The following PRTG variants were observed in gnomAD, a reference collection of about 807,000 sequenced individuals.
The protein encoded by PRTG is protogenin, also known as immunoglobulin superfamily, DCC subclass, member 5.
A neutral mutation model predicts 122.5 loss-of-function variants in PRTG; 67 were observed. The observed-to-expected ratio is 0.55, with a 90% confidence interval of 0.45 to 0.67. The LOEUF is 0.67. Among genes scored for constraint, PRTG ranks in the 30% least tolerant of loss-of-function variants. The probability of loss-of-function intolerance (pLI) is 0.00; values close to 1 mark genes in which losing one functional copy is unlikely to be tolerated. For synonymous variants in PRTG, 554 were observed against 501.1 expected, an observed-to-expected ratio of 1.11 and a Z score of -1.41; for missense variants, 1,435 against 1,415.4, an observed-to-expected ratio of 1.01 and a Z score of -0.22.
rs774890986 is a variant in PRTG, at chr15:55,680,178, T to C, written c.849A>G (p.Val283=). The change falls in exon 6 of 20, where the codon GTA becomes GTG. Residue 283 remains valine (V), a synonymous_variant. Transcript: ENST00000389286. Reference sequence around the variant, plus strand: ...ATATCATGAGATTACCATTTCCAAGTACCCGAGTATTAAAGACATCAATGG... The same window carrying C: ...ATATCATGAGATTACCATTTCCAAGCACCCGAGTATTAAAGACATCAATGG... ...HKSIDVFNTR[V]LGNGNLMISD... is the part of the protein sequence containing the mutation. The C allele has an allele frequency of 1.3e-4, 213 of 1,611,310 alleles. No individual in the cohort carries two copies. Among genetic ancestry groups the C allele is most frequent in the South Asian group, 7.4e-4 (67 of 91,010 alleles).
chr15:55,620,735 A>G lies in PRTG; in HGVS notation c.3126T>C (p.Gly1042=). The change falls in exon 19 of 20, where the codon GGT becomes GGC. Residue 1042 remains glycine, a synonymous_variant. Transcript: ENST00000389286. ...GGTDLIINSY[G]PIIKNNSKKK... is the part of the protein sequence containing the mutation. Reference sequence around the variant, plus strand: ...TCTTAGAGTTGTTTTTAATTATAGGACCATAGCTATTAATTATCAGGTCAG... The same window carrying G: ...TCTTAGAGTTGTTTTTAATTATAGGGCCATAGCTATTAATTATCAGGTCAG... 1 of 1,599,270 alleles carries G rather than the reference A, an allele frequency of 6.3e-7. No homozygotes were observed. The highest frequency in any genetic ancestry group is 1.2e-5 in the South Asian group (1 of 86,834).
chr15:55,719,473 T>C (rs908468167), intron 2 of PRTG, among the ~76,000 whole-genome samples: 1 of 152,204 alleles, frequency 6.6e-6, no homozygotes, highest in African/African-American at 2.4e-5. Context: ...AATGACTTCA[T>C]ATACTCAATG....
At chr15:55,724,173 T>C (rs896152422) in intron 2 of PRTG, among the ~76,000 whole-genome samples, 6 of 152,228 alleles carry the variant, frequency 3.9e-5, no homozygotes, top group Non-Finnish European at 8.8e-5. Flanking sequence ...AATGCTTTTA[T>C]ATGTCTGCTA....
intron 3 of PRTG, 51 bp downstream of exon 3, chr15:55,683,736 G>A: frequency 6.7e-7 from 1 of 1,484,180 alleles, no homozygotes; most frequent in Non-Finnish European, 9.3e-7. Context: ...AATCTCATAT[G>A]AAGTCTTCAT....
chr15:55,645,868 A>G (rs1336200872), intron 11 of PRTG, among the ~76,000 whole-genome samples: 1 of 152,196 alleles, frequency 6.6e-6, no homozygotes, highest in Non-Finnish European at 1.5e-5. Context: ...GCAGAGTTAG[A>G]AAGAACAGCC....
intron 3 of PRTG, among the ~76,000 whole-genome samples, chr15:55,683,333 G>A (rs1048034865): frequency 2.0e-5 from 3 of 151,984 alleles, no homozygotes; most frequent in Non-Finnish European, 4.4e-5. Flanking sequence ...AATCCCAACC[G>A]CCCGCAGAAC....
At chr15:55,674,933 T>C (rs2059493907) in intron 9 of PRTG, among the ~76,000 whole-genome samples, 1 of 152,152 alleles carries the variant, frequency 6.6e-6, no homozygotes, top group African/African-American at 2.4e-5. Context: ...TCTCGGGCTA[T>C]CTTAATATGG....
At chr15:55,702,673 C>T (rs925959700) in intron 2 of PRTG, among the ~76,000 whole-genome samples, 1 of 152,180 alleles carries the variant, frequency 6.6e-6, no homozygotes, top group Non-Finnish European at 1.5e-5. Context: ...ATTAGAGGAA[C>T]AGGAGGAGCC....
intron 11 of PRTG, among the ~76,000 whole-genome samples, chr15:55,659,780 G>A (rs1310135098): frequency 2.0e-5 from 3 of 151,958 alleles, no homozygotes; most frequent in South Asian, 4.1e-4. Context: ...TTAGCTGGGC[G>A]TAGTGGTGCA....
chr15:55,675,132 C>T (rs180719115), intron 9 of PRTG, among the ~76,000 whole-genome samples: 34 of 152,130 alleles, frequency 2.2e-4, no homozygotes, highest in African/African-American at 6.5e-4. Flanking sequence ...GGTGATAAAT[C>T]GTATAAAGTC....
At chr15:55,689,383 A>G (rs552766813) in intron 2 of PRTG, among the ~76,000 whole-genome samples, 4 of 152,286 alleles carry the variant, frequency 2.6e-5, no homozygotes, top group Non-Finnish European at 5.9e-5. Context: ...ATAGCAAAAG[A>G]AAAAAAATCT....
Position 55,673,514 on chromosome 15 carries a change from G to A in PRTG, c.1709C>T (p.Pro570Leu), listed in dbSNP as rs772194867. The change falls in exon 10 of 20, where the codon CCG (proline) becomes CTG (leucine). Residue 570 changes from proline to leucine, a missense_variant. Physicochemically the swap from Pro to Leu is moderately conservative, Grantham distance 98. Coordinates refer to ENST00000389286, the MANE Select transcript of PRTG (RefSeq NM_173814.6). ...CAAAAGGTACTCATGCGTGGTCCCCGGGAGCTCCAGAACTTGGATTGAATT... is the reference window on the plus strand; with the variant it reads ...CAAAAGGTACTCATGCGTGGTCCCCAGGAGCTCCAGAACTTGGATTGAATT... ...TENSIQVLELPGTTHEYLLEG... is the reference protein window; with the variant it reads ...TENSIQVLELLGTTHEYLLEG... The A allele has an allele frequency of 8.7e-6, 14 of 1,613,934 alleles. No individual in the cohort carries two copies. The highest frequency in any genetic ancestry group is 1.6e-4 in the Middle Eastern group (1 of 6,084).
intron 15 of PRTG, among the ~76,000 whole-genome samples, chr15:55,635,074 GGTGT>G (rs869048936): frequency 2.2e-5 from 3 of 135,338 alleles, no homozygotes; most frequent in African/African-American, 8.8e-5. Flanking sequence ...GTTGGTTCTG[GGTGT>G]GTGTGTGTGT....
In PRTG at chr15:55,742,961, G is replaced by A. The variant is rs1424733086; in HGVS notation, c.-30C>T. On this transcript the variant is annotated 5_prime_UTR_variant, in exon 1 of 20. Coordinates refer to ENST00000389286, the MANE Select transcript of PRTG (RefSeq NM_173814.6). The stretch of plus-strand genomic sequence containing the variant: ...CGTAGCCGCGCGGGCATGCTCCCCG[G>A]CCGCCCAGAGCCCCTGTCCGTCTGC... The A allele has an allele frequency of 2.7e-6, 4 of 1,467,662 alleles. No homozygotes were observed. Among genetic ancestry groups the A allele is most frequent in the Non-Finnish European group, 3.6e-6 (4 of 1,111,098 alleles). The allele number at this position is 1,467,662 out of a possible 1,614,324, so 90.9% of individuals were successfully genotyped here. A position where few individuals can be genotyped will look rare whatever the true frequency, so the allele number is the denominator to read the frequency against.
At chr15:55,670,021 A>C (rs2059459739) in intron 11 of PRTG, among the ~76,000 whole-genome samples, 2 of 152,246 alleles carry the variant, frequency 1.3e-5, no homozygotes, top group Non-Finnish European at 1.5e-5. Flanking sequence ...TATTTTTAAA[A>C]CACAGGAGAA....
At chr15:55,626,944 G>A (rs1595601824) in intron 17 of PRTG, 64 bp downstream of exon 17, 1 of 1,484,206 alleles carries the variant, frequency 6.7e-7, no homozygotes, top group East Asian at 2.4e-5. Flanking sequence ...ACTTTCATTT[G>A]TTTCCTGTGG....
intron 9 of PRTG, 136 bp downstream of exon 9, chr15:55,675,383 G>C: frequency 1.8e-6 from 1 of 550,732 alleles, no homozygotes; most frequent in African/African-American, 1.9e-5. Context: ...GCAAGAGTGA[G>C]ATTTTGAACG....
At chr15:55,663,518 A>G (rs998650950) in intron 11 of PRTG, among the ~76,000 whole-genome samples, 5 of 151,098 alleles carry the variant, frequency 3.3e-5, no homozygotes, top group Non-Finnish European at 5.9e-5. Context: ...AATCACTGAT[A>G]CGTTTTCCAT....
At chr15:55,622,756 G>A (rs999668361) in intron 18 of PRTG, among the ~76,000 whole-genome samples, 4 of 151,484 alleles carry the variant, frequency 2.6e-5, no homozygotes, top group African/African-American at 7.3e-5. Flanking sequence ...GGCTGGTCTC[G>A]AACTCCCGAC....
Sources: gnomAD v4.1 joint callset for allele counts (sites outside exome capture counted in the v4.1 genomes callset) on GRCh38, gnomAD v4.1.1 for gene constraint, MANE v1.5 for transcripts, NCBI Gene and HGNC (gene_info 2026-07-23, HGNC 2026-07-21) for gene names.